ZNF670: variants seen among roughly 807,000 people sequenced by gnomAD.
ZNF670 encodes zinc finger protein 670.
A neutral mutation model predicts 10.9 loss-of-function variants in ZNF670; 7 were observed. That is an observed-to-expected ratio of 0.64 (90% CI 0.36 to 1.20). The LOEUF is 1.20. Among genes scored for constraint, ZNF670 ranks in the 50% most tolerant of loss-of-function variants. The pLI is 0.02. For missense variants in ZNF670, 446 were observed against 458.6 expected (o/e 0.97, Z 0.25); for synonymous variants, 136 against 152.7 (o/e 0.89, Z 0.81).
At chr1:247,063,995 G>C (rs2103067561) in intron 1 of ZNF670, among the ~76,000 whole-genome samples, 1 of 152,310 alleles carries the variant, frequency 6.6e-6, no homozygotes, top group East Asian at 1.9e-4. Context: ...ACAGACACTG[G>C]GTCACAGACT....
intron 1 of ZNF670, chr1:247,043,770 T>C (rs1670374471): frequency 1.6e-5 from 6 of 374,826 alleles, no homozygotes; most frequent in Non-Finnish European, 3.1e-5. Context: ...TTTCTGTGCC[T>C]ACTGATTTGC....
chr1:247,069,779 G>A (rs1291867298), intron 1 of ZNF670, among the ~76,000 whole-genome samples: 6 of 152,038 alleles, frequency 3.9e-5, no homozygotes, highest in Admixed American at 3.9e-4. Flanking sequence ...CTTATTTGTG[G>A]GATCTAAAAA....
intron 1 of ZNF670, among the ~76,000 whole-genome samples, chr1:247,076,753 T>C (rs1380198242): frequency 2.0e-5 from 3 of 151,698 alleles, no homozygotes; most frequent in Non-Finnish European, 1.5e-5. Context: ...CTCCACCTCC[T>C]GGCCTCAAGC....
At chr1:247,052,362 C>T (rs1326471223) in intron 1 of ZNF670, among the ~76,000 whole-genome samples, 1 of 152,062 alleles carries the variant, frequency 6.6e-6, no homozygotes. Flanking sequence ...TATGGCTCTT[C>T]TAGGTCAAGC....
chr1:247,067,435 CAAA>C (rs61363241), intron 1 of ZNF670, among the ~76,000 whole-genome samples: 2 of 77,224 alleles, frequency 2.6e-5, no homozygotes, highest in African/African-American at 4.4e-5. Flanking sequence ...GATCCCGTCT[CAAA>C]AAAAAAAAAA....
At chr1:247,073,925 G>A (rs768648493) in intron 1 of ZNF670, among the ~76,000 whole-genome samples, 2 of 152,176 alleles carry the variant, frequency 1.3e-5, no homozygotes, top group Non-Finnish European at 2.9e-5. Flanking sequence ...ATGTTTACCA[G>A]TGTATTATAC....
chr1:247,071,093 T>C (rs1671103190), intron 1 of ZNF670, among the ~76,000 whole-genome samples: 1 of 152,180 alleles, frequency 6.6e-6, no homozygotes, highest in Non-Finnish European at 1.5e-5. Flanking sequence ...AGAACTACCA[T>C]TCAACCCAGC....
intron 1 of ZNF670, among the ~76,000 whole-genome samples, chr1:247,071,986 T>C (rs1453455767): frequency 2.0e-5 from 3 of 150,842 alleles, no homozygotes; most frequent in Non-Finnish European, 4.4e-5. Flanking sequence ...GCCTCCCAAG[T>C]AGCTGGGACT....
intron 1 of ZNF670, among the ~76,000 whole-genome samples, chr1:247,059,746 ACTGT>A (rs146916042): frequency 0.024 from 3,664 of 152,316 alleles, 65 homozygotes; most frequent in Middle Eastern, 0.048. Flanking sequence ...CGATAACATG[ACTGT>A]CTATGTACAA....
intron 1 of ZNF670, among the ~76,000 whole-genome samples, chr1:247,068,319 CAAAAA>C (rs74163724): frequency 9.0e-5 from 5 of 55,280 alleles, no homozygotes; most frequent in African/African-American, 2.1e-4. Context: ...ATTCTGTCTC[CAAAAA>C]AAAAAAAAAA....
chr1:247,067,580 C>T lies in ZNF670; in HGVS notation c.3+11014G>A, dbSNP rs537086241. ...AGCACAGGCCGGGCGCGGTGGCTCACGCCTGTAATCCCAGCACTTTGGGAG... is the reference window on the plus strand; with the variant it reads ...AGCACAGGCCGGGCGCGGTGGCTCATGCCTGTAATCCCAGCACTTTGGGAG... On this transcript the variant is annotated intron_variant, in intron 1 of 3. Transcript: ENST00000366503. 6.0e-5 allele frequency among the ~76,000 whole-genome samples: 9 copies of T among 150,844 alleles called. No individual in the cohort carries two copies. The South Asian group carries it at 1.7e-3, about 28-fold the overall frequency.
chr1:247,042,986 TG>T, intron 1 of ZNF670: 1 of 744,254 alleles, frequency 1.3e-6, no homozygotes, highest in Non-Finnish European at 2.5e-6. Flanking sequence ...CAGAGTGATC[TG>T]GAAAAGGAGA....
chr1:247,049,328 A>G (rs552734534), intron 1 of ZNF670, among the ~76,000 whole-genome samples: 1 of 151,960 alleles, frequency 6.6e-6, no homozygotes, highest in East Asian at 1.9e-4. Flanking sequence ...GGCTTCCCAA[A>G]GTGCTGGGAT....
chr1:247,066,673 A>T (rs1670987192), intron 1 of ZNF670, among the ~76,000 whole-genome samples: 1 of 152,220 alleles, frequency 6.6e-6, no homozygotes, highest in Admixed American at 6.5e-5. Flanking sequence ...CGATGGGAAG[A>T]GGGAGTCAGA....
At chr1:247,073,029 T>C (rs1298061637) in intron 1 of ZNF670, among the ~76,000 whole-genome samples, 1 of 151,632 alleles carries the variant, frequency 6.6e-6, no homozygotes, top group Non-Finnish European at 1.5e-5. Flanking sequence ...TGCAGTCACA[T>C]CTCTGAGCAG....
At chr1:247,071,252 A>T (rs561385021) in intron 1 of ZNF670, among the ~76,000 whole-genome samples, 1 of 152,258 alleles carries the variant, frequency 6.6e-6, no homozygotes, top group African/African-American at 2.4e-5. Flanking sequence ...TGGATAAAGA[A>T]TATGTGGTAC....
intron 1 of ZNF670, among the ~76,000 whole-genome samples, chr1:247,067,899 G>A (rs1671027228): frequency 7.5e-6 from 1 of 134,028 alleles, no homozygotes; most frequent in Admixed American, 7.7e-5. Flanking sequence ...AATCAACAAA[G>A]TGAAGAGACA....
rs576653138 is a variant in ZNF670 at position 247,064,920 on chromosome 1, T to C, written c.3+13674A>G. Among the ~76,000 whole-genome samples the C allele has an allele frequency of 4.0e-5, 6 of 151,566 alleles. No individual in the cohort carries two copies. In the East Asian group the frequency reaches 1.2e-3, roughly 29 times the overall value. ...CCTGGACTCAAATGATCCTCCTGCC[T>C]CCCTCAGCCTCTCAAGTAGCTGGGA... On this transcript the variant is annotated intron_variant, in intron 1 of 3. Transcript: ENST00000366503.
chr1:247,057,975 T>C (rs1267044196), intron 1 of ZNF670, among the ~76,000 whole-genome samples: 2 of 152,190 alleles, frequency 1.3e-5, no homozygotes, highest in Non-Finnish European at 2.9e-5. Context: ...TTGTACATTT[T>C]AAAATAAGTA....
Sources: allele counts gnomAD v4.1 joint callset (sites outside exome capture counted in the v4.1 genomes callset), GRCh38; gene constraint gnomAD v4.1.1; transcripts MANE v1.5; gene names NCBI Gene and HGNC (gene_info 2026-07-23, HGNC 2026-07-21).